The following RASSF3 variants were observed in gnomAD, a reference collection of about 807,000 sequenced individuals.
RASSF3 encodes Ras association domain family member 3, also known as ras association domain-containing protein 3.
Under a neutral mutation model 19.9 loss-of-function variants are expected in RASSF3, and 19 were observed. The ratio of observed to expected loss-of-function variants is 0.96; its 90% CI spans 0.67 to 1.40. The LOEUF is 1.40. RASSF3 is among the 40% of genes most tolerant of loss of function. The pLI is 0.00. For synonymous variants in RASSF3, 110 were observed against 104.2 expected, an observed-to-expected ratio of 1.06 and a Z score of -0.34; for missense variants, 306 against 289.8, an observed-to-expected ratio of 1.06 and a Z score of -0.41.
intron 1 of RASSF3, among the ~76,000 whole-genome samples, chr12:64,677,514 ACC>A (rs1872952148): frequency 6.6e-6 from 1 of 152,048 alleles, no homozygotes; most frequent in East Asian, 1.9e-4. Flanking sequence ...GGCTCAGGTG[ACC>A]CTTCCGCCTC....
intron 2 of RASSF3, among the ~76,000 whole-genome samples, chr12:64,571,015 C>G (rs951056980): frequency 1.3e-5 from 2 of 152,004 alleles, no homozygotes; most frequent in African/African-American, 4.8e-5. Flanking sequence ...GTCAGGAGTT[C>G]AAGACTAGCC....
intron 2 of RASSF3, among the ~76,000 whole-genome samples, chr12:64,594,590 C>T (rs957049622): frequency 5.9e-5 from 9 of 151,908 alleles, no homozygotes; most frequent in African/African-American, 2.2e-4. Flanking sequence ...TTGCTATTTC[C>T]AACATGCTGC....
chr12:64,589,418 C>A (rs1401907386), intron 2 of RASSF3, among the ~76,000 whole-genome samples: 2 of 151,882 alleles, frequency 1.3e-5, no homozygotes, highest in South Asian at 2.1e-4. Context: ...CCACTGCACT[C>A]CAGCCTGGGC....
chr12:64,589,968 C>G (rs1169447108), intron 2 of RASSF3, among the ~76,000 whole-genome samples: 1 of 147,010 alleles, frequency 6.8e-6, no homozygotes, highest in African/African-American at 2.5e-5. Flanking sequence ...TGCCCCTGTA[C>G]TCCAGCCTGG....
At chr12:64,550,093 C>T (rs566187953) in intron 2 of RASSF3, among the ~76,000 whole-genome samples, 4 of 152,148 alleles carry the variant, frequency 2.6e-5, no homozygotes, top group African/African-American at 7.2e-5. Context: ...AGTCTCAGCG[C>T]CCCCCACCCC....
intron 2 of RASSF3, among the ~76,000 whole-genome samples, chr12:64,603,946 C>T (rs1870139291): frequency 6.6e-6 from 1 of 151,990 alleles, no homozygotes; most frequent in Non-Finnish European, 1.5e-5. Context: ...CTCCTGGGTT[C>T]AAGCGATTCT....
chr12:64,672,519 C>T (rs1251614440), intron 1 of RASSF3, among the ~76,000 whole-genome samples: 1 of 152,078 alleles, frequency 6.6e-6, no homozygotes, highest in Non-Finnish European at 1.5e-5. Flanking sequence ...AGCTATCGCA[C>T]CCAGCCTATT....
intron 1 of RASSF3, among the ~76,000 whole-genome samples, chr12:64,534,138 G>A (rs935732668): frequency 2.0e-5 from 3 of 152,092 alleles, no homozygotes; most frequent in African/African-American, 4.8e-5. Flanking sequence ...GTGGGCACCT[G>A]TAGTCTCAGC....
chr12:64,663,156 C>T (rs567504802), intron 1 of RASSF3, among the ~76,000 whole-genome samples: 1 of 152,246 alleles, frequency 6.6e-6, no homozygotes, highest in South Asian at 2.1e-4. Context: ...GTTGATCTCT[C>T]TCTACCCCTC....
chr12:64,589,752 T>C (rs1465793798), intron 2 of RASSF3, among the ~76,000 whole-genome samples: 1 of 151,672 alleles, frequency 6.6e-6, no homozygotes, highest in African/African-American at 2.4e-5. Flanking sequence ...CCTGTAATCC[T>C]AGCACTTTGG....
chr12:64,531,565 C>T (rs939755679), upstream of RASSF3, among the ~76,000 whole-genome samples: 3 of 152,192 alleles, frequency 2.0e-5, no homozygotes, highest in African/African-American at 7.2e-5. Context: ...TTTAACCTCA[C>T]TTTTTTCTTT....
intron 1 of RASSF3, among the ~76,000 whole-genome samples, chr12:64,510,109 T>G (rs913945428): frequency 6.6e-6 from 1 of 151,584 alleles, no homozygotes; most frequent in Non-Finnish European, 1.5e-5. Context: ...AAAAAAAAAT[T>G]TCTGTTGAAA....
intron 1 of RASSF3, among the ~76,000 whole-genome samples, chr12:64,524,218 TTTTATTTA>T (rs59842662): frequency 0.011 from 1,540 of 137,826 alleles, 15 homozygotes; most frequent in African/African-American, 0.031. Context: ...TGCCCGGCAA[TTTTATTTA>T]TTTATTTATT....
chr12:64,694,842 T>C lies in RASSF3; in HGVS notation c.647T>C (p.Leu216Pro). The change falls in exon 5 of 5, where the codon CTG becomes CCG. Residue 216 changes from leucine to proline, a missense_variant. Coordinates refer to ENST00000542104, the MANE Select transcript of RASSF3 (RefSeq NM_178169.4). The part of the protein sequence containing the change: ...DKEEDEQLQN[L>P]KRRYTAYRQK... ...GAAGAAGATGAACAGCTGCAGAACC[T>C]GAAGAGGCGCTACACAGCCTACAGG... is the stretch of plus-strand genomic sequence containing the variant. The C allele has an allele frequency of 6.2e-7, 1 of 1,614,212 alleles. No individual in the cohort carries two copies. The highest frequency in any genetic ancestry group is 8.5e-7 in the Non-Finnish European group (1 of 1,180,030).
intron 2 of RASSF3, among the ~76,000 whole-genome samples, chr12:64,551,677 G>A (rs970971512): frequency 6.6e-6 from 1 of 152,128 alleles, no homozygotes; most frequent in Non-Finnish European, 1.5e-5. Context: ...CCTGGTGTTT[G>A]GTGGGAAACT....
chr12:64,514,701 T>A (rs1232977212), intron 1 of RASSF3, among the ~76,000 whole-genome samples: 1 of 152,078 alleles, frequency 6.6e-6, no homozygotes, highest in African/African-American at 2.4e-5. Flanking sequence ...CAGGCAAGAG[T>A]GGGATGTTTC....
intron 2 of RASSF3, chr12:64,575,649 T>A (rs1470430022): frequency 6.6e-6 from 1 of 152,090 alleles, no homozygotes; most frequent in Non-Finnish European, 1.5e-5. Context: ...AAAGATTTTT[T>A]TAAAAGAGAG....
At chr12:64,594,211 G>A (rs1163531860) in intron 2 of RASSF3, among the ~76,000 whole-genome samples, 1 of 151,946 alleles carries the variant, frequency 6.6e-6, no homozygotes, top group Non-Finnish European at 1.5e-5. Flanking sequence ...GAATGCACCT[G>A]TAGTCCCAGC....
At chr12:64,527,997 G>A (rs1040954429) in intron 1 of RASSF3, among the ~76,000 whole-genome samples, 3 of 152,070 alleles carry the variant, frequency 2.0e-5, no homozygotes, top group Non-Finnish European at 2.9e-5. Flanking sequence ...GGTGGCTCAC[G>A]CCTGTAATCC....
Sources: allele counts gnomAD v4.1 joint callset (sites outside exome capture counted in the v4.1 genomes callset), GRCh38; gene constraint gnomAD v4.1.1; transcripts MANE v1.5; gene names NCBI Gene and HGNC (gene_info 2026-07-23, HGNC 2026-07-21).